TIPARP: variants seen among roughly 807,000 people sequenced by gnomAD.
The protein encoded by TIPARP is protein mono-ADP-ribosyltransferase TIPARP.
A neutral mutation model predicts 56.5 loss-of-function variants in TIPARP; 12 were observed. That is an observed-to-expected ratio of 0.21 (90% confidence interval 0.14 to 0.34). The LOEUF (loss-of-function observed/expected upper bound fraction) is 0.34. Among genes scored for constraint, TIPARP ranks in the 10% least tolerant of loss-of-function variants. The pLI is 1.00. For missense variants in TIPARP, 604 were observed against 781.6 expected (o/e 0.77, Z 2.71); for synonymous variants, 296 against 265.7 (o/e 1.11, Z -1.11).
Position 156,674,676 on chromosome 3 carries a change from G to C in TIPARP, c.-162G>C, listed in dbSNP as rs1474257164. 6.6e-6 allele frequency: 1 copy of C among 152,538 alleles called. No individual in the cohort carries two copies. The highest frequency in any genetic ancestry group is 1.5e-5 in the Non-Finnish European group (1 of 68,130). The allele number at this position is 152,538 out of a possible 1,614,324, so 9.4% of individuals were successfully genotyped here. On this transcript the variant is annotated 5_prime_UTR_variant, in exon 1 of 6. Coordinates refer to ENST00000295924, the MANE Select transcript of TIPARP (RefSeq NM_015508.5). ...GCGGCGGCGGAATGGCCCGTGCGCG[G>C]CTCGCCGCGTCGCGGCTCTGTGGTC...
intron 4 of TIPARP, among the ~76,000 whole-genome samples, chr3:156,696,455 A>G (rs1489915260): frequency 6.6e-6 from 1 of 152,190 alleles, no homozygotes; most frequent in East Asian, 1.9e-4. Context: ...TACTTGAGGG[A>G]ATTTGAATGG....
chr3:156,676,722 T>C (rs1405181732), intron 1 of TIPARP: 3 of 152,248 alleles, frequency 2.0e-5, no homozygotes. Context: ...TCAGTTTTTT[T>C]CAAGGGGTCT....
At position 156,685,339 on chromosome 3, in the gene TIPARP, C is replaced by G. The variant is rs188916316; in HGVS notation, c.917+6725C>G. ...AACACCCACTTGACAAGTAAAGAAC[C>G]TTTGCATGGTCATCACAATGAAAGG... On this transcript the variant is annotated intron_variant, in intron 2 of 5. Transcript: ENST00000295924. Among the ~76,000 whole-genome samples the G allele has an allele frequency of 6.6e-4, 100 of 152,314 alleles. 1 individual carries two copies. The highest frequency in any genetic ancestry group is 2.0e-3 in the African/African-American group (85 of 41,556).
intron 2 of TIPARP, among the ~76,000 whole-genome samples, chr3:156,689,224 A>G (rs1722508036): frequency 6.6e-6 from 1 of 152,100 alleles, no homozygotes; most frequent in South Asian, 2.1e-4. Context: ...TTGTCTTGTT[A>G]ATAGCACCAT....
At chr3:156,680,219 T>C (rs953588367) in intron 2 of TIPARP, among the ~76,000 whole-genome samples, 2 of 152,184 alleles carry the variant, frequency 1.3e-5, no homozygotes, top group South Asian at 4.1e-4. Flanking sequence ...AAATGTATTA[T>C]CTTGATAATA....
chr3:156,681,517 ATCTTT>A lies in TIPARP; in HGVS notation c.917+2905_917+2909del, dbSNP rs1374825407. On this transcript the variant is annotated intron_variant, in intron 2 of 5. Coordinates refer to ENST00000295924, the MANE Select transcript of TIPARP (RefSeq NM_015508.5). ...CATAGTTTCAAACTGTACAGATAAA[ATCTTT>A]TATTTAGCTTTGCAAATGTATTGGA... Among the ~76,000 whole-genome samples, 5 of 152,336 alleles carry A rather than the reference ATCTTT, an allele frequency of 3.3e-5. No individual in the cohort carries two copies. In the East Asian group the frequency reaches 9.6e-4, roughly 29 times the overall value.
At chr3:156,686,176 C>T (rs1161472165) in intron 2 of TIPARP, among the ~76,000 whole-genome samples, 1 of 152,174 alleles carries the variant, frequency 6.6e-6, no homozygotes, top group Non-Finnish European at 1.5e-5. Context: ...TGCTTTCTGA[C>T]ATTTGGATTA....
chr3:156,680,761 C>A (rs1722278749), intron 2 of TIPARP, among the ~76,000 whole-genome samples: 1 of 152,042 alleles, frequency 6.6e-6, no homozygotes. Context: ...AGATATAGGC[C>A]CATAAGCCTG....
At chr3:156,701,833 C>G (rs1455457770) in intron 4 of TIPARP, among the ~76,000 whole-genome samples, 1 of 152,136 alleles carries the variant, frequency 6.6e-6, no homozygotes, top group Non-Finnish European at 1.5e-5. Context: ...AAAAGCACCT[C>G]GGAGATTCAG....
intron 2 of TIPARP, among the ~76,000 whole-genome samples, chr3:156,681,859 C>T (rs760266043): frequency 1.5e-4 from 23 of 151,836 alleles, no homozygotes; most frequent in Non-Finnish European, 2.8e-4. Flanking sequence ...TTCTTTTTTG[C>T]ACACGAGATG....
At chr3:156,675,397 C>G (rs1316672169) in intron 1 of TIPARP, 2 of 152,308 alleles carry the variant, frequency 1.3e-5, no homozygotes, top group Non-Finnish European at 2.9e-5. Flanking sequence ...GGGAGGTGAG[C>G]TGAGGGGGTA....
chr3:156,700,465 C>A (rs79386011), intron 4 of TIPARP, among the ~76,000 whole-genome samples: 4,270 of 152,092 alleles, frequency 0.028, 139 homozygotes, highest in East Asian at 0.11. Context: ...AAAGAGGCCA[C>A]AATTCTCAGG....
chr3:156,694,541 G>A (rs1259965452), intron 3 of TIPARP, among the ~76,000 whole-genome samples: 1 of 152,156 alleles, frequency 6.6e-6, no homozygotes, highest in Non-Finnish European at 1.5e-5. Context: ...TCTGGCTCTT[G>A]GGCTTATGGA....
At position 156,686,109 on chromosome 3, in the gene TIPARP, GAGTATGTGAAACAGAGTCAGGGTAA is replaced by G. The variant is rs1173525048; in HGVS notation, c.917+7511_917+7535del. On this transcript the variant is annotated intron_variant, in intron 2 of 5. Coordinates refer to ENST00000295924, the MANE Select transcript of TIPARP (RefSeq NM_015508.5). ...AGAAAGACATCCTTGAATCTGTGCAGAGTATGTGAAACAGAGTCAGGGTAAAGTATGTGAAACAGAAGGAACTTTG... is the reference window on the plus strand; with the variant it reads ...AGAAAGACATCCTTGAATCTGTGCAGAGTATGTGAAACAGAAGGAACTTTG... 3.9e-5 allele frequency among the ~76,000 whole-genome samples: 6 copies of G among 152,310 alleles called. No homozygotes were observed. The East Asian group carries it at 9.7e-4, about 25-fold the overall frequency.
intron 2 of TIPARP, among the ~76,000 whole-genome samples, chr3:156,690,695 A>G (rs1307007970): frequency 1.3e-5 from 2 of 152,160 alleles, no homozygotes; most frequent in South Asian, 2.1e-4. Flanking sequence ...TGTATCTTAG[A>G]TAAAACAATA....
At chr3:156,681,945 C>CA (rs1313555964) in intron 2 of TIPARP, among the ~76,000 whole-genome samples, 1 of 151,600 alleles carries the variant, frequency 6.6e-6, no homozygotes, top group Non-Finnish European at 1.5e-5. Flanking sequence ...ATTAAGAAAA[C>CA]AGAGTCTGGA....
intron 2 of TIPARP, 50 bp from the exon 3 acceptor site, chr3:156,693,970 C>T (rs530642470): frequency 3.2e-5 from 49 of 1,530,146 alleles, no homozygotes; most frequent in Non-Finnish European, 4.0e-5. Context: ...TTCTGTTTTA[C>T]AAATTTATTA....
intron 1 of TIPARP, 138 bp from the exon 2 acceptor site, chr3:156,677,519 G>T: frequency 3.5e-6 from 2 of 577,350 alleles, no homozygotes; most frequent in African/African-American, 1.9e-5. Context: ...ATTTAAAATT[G>T]ACTTGTAAAA....
intron 4 of TIPARP, among the ~76,000 whole-genome samples, chr3:156,700,061 T>A (rs1329841332): frequency 6.6e-6 from 1 of 151,998 alleles, no homozygotes; most frequent in African/African-American, 2.4e-5. Context: ...TTTGTTTTGT[T>A]AAATTTTTAA....
Sources: gnomAD v4.1 joint callset for allele counts (sites outside exome capture counted in the v4.1 genomes callset) on GRCh38, gnomAD v4.1.1 for gene constraint, MANE v1.5 for transcripts, NCBI Gene and HGNC (gene_info 2026-07-23, HGNC 2026-07-21) for gene names.